The following ABI2 variants were observed in gnomAD, a reference collection of about 807,000 sequenced individuals.
The protein encoded by ABI2 is abelson interactor 2.
A neutral mutation model predicts 59.2 loss-of-function variants in ABI2; 25 were observed. The observed-to-expected ratio is 0.42, with a 90% CI of 0.31 to 0.59. ABI2 has a LOEUF of 0.59. ABI2 is among the 20% of genes least tolerant of loss of function. The probability of loss-of-function intolerance (pLI) is 0.14; values close to 1 mark genes in which losing one functional copy is unlikely to be tolerated. For synonymous variants in ABI2, 213 were observed against 235.5 expected, an observed-to-expected ratio of 0.90 and a Z score of 0.87; for missense variants, 545 against 681.8, an observed-to-expected ratio of 0.80 and a Z score of 2.23.
At chr2:203,355,359 A>G (rs991726869) in intron 1 of ABI2, 8 of 203,130 alleles carry the variant, frequency 3.9e-5, no homozygotes, top group Non-Finnish European at 6.4e-5. Flanking sequence ...AATAAAAAAA[A>G]AAATTAGCCA....
intron 1 of ABI2, among the ~76,000 whole-genome samples, chr2:203,342,744 C>T (rs2080798543): frequency 6.6e-6 from 1 of 151,970 alleles, no homozygotes; most frequent in Admixed American, 6.6e-5. Flanking sequence ...GCCACCATGC[C>T]TGGCTAATCG....
intron 8 of ABI2, among the ~76,000 whole-genome samples, chr2:203,399,847 A>G (rs2097149762): frequency 6.6e-6 from 1 of 152,158 alleles, no homozygotes; most frequent in African/African-American, 2.4e-5. Flanking sequence ...TGTATTTCAA[A>G]TAGCAGAAAT....
rs374374902 is a variant in ABI2, at chr2:203,391,146, G to A, written c.578+3G>A. On this transcript the variant is annotated splice_donor_region_variant and intron_variant, in intron 5 of 11. Transcript: ENST00000261018. ...ATGTCAGGGAAAGGGACACTTGGGT[G>A]AGTATATAAGTAGTAATTGAAAACC... 30 of 1,598,982 alleles carry A rather than the reference G, an allele frequency of 1.9e-5. No homozygotes were observed. The highest frequency in any genetic ancestry group is 2.4e-5 in the Non-Finnish European group (28 of 1,170,576).
At chr2:203,337,678 A>C (rs1020241991) in intron 1 of ABI2, among the ~76,000 whole-genome samples, 8 of 152,214 alleles carry the variant, frequency 5.3e-5, no homozygotes, top group African/African-American at 1.4e-4. Flanking sequence ...TGAATAGCCA[A>C]AGCAGTTTTG....
At chr2:203,395,922 A>G in intron 7 of ABI2, 142 bp downstream of exon 7, 2 of 1,026,146 alleles carry the variant, frequency 1.9e-6, no homozygotes, top group South Asian at 2.1e-5. Context: ...TATATTTGTT[A>G]TTTGTAAGCA....
chr2:203,373,314 C>G (rs1207255682), intron 2 of ABI2, among the ~76,000 whole-genome samples: 7 of 152,230 alleles, frequency 4.6e-5, no homozygotes, highest in Admixed American at 4.6e-4. Flanking sequence ...AGTACGAAAA[C>G]CAGTCAGGCG....
At chr2:203,373,502 A>G (rs1210165097) in intron 2 of ABI2, among the ~76,000 whole-genome samples, 2 of 140,418 alleles carry the variant, frequency 1.4e-5, no homozygotes, top group Admixed American at 6.8e-5. Flanking sequence ...GGAGAGGGAG[A>G]GGGAGCGGGA....
intron 2 of ABI2, chr2:203,374,740 C>A: frequency 2.4e-6 from 1 of 419,150 alleles, no homozygotes; most frequent in South Asian, 1.7e-5. Flanking sequence ...GAAACATTAG[C>A]TTACTAATAA....
At chr2:203,399,670 A>C (rs1316286375) in intron 8 of ABI2, among the ~76,000 whole-genome samples, 1 of 152,014 alleles carries the variant, frequency 6.6e-6, no homozygotes, top group African/African-American at 2.4e-5. Flanking sequence ...ACCCACCACC[A>C]TGCCCAGCTA....
intron 1 of ABI2, chr2:203,355,263 T>C: frequency 3.1e-6 from 1 of 321,378 alleles, no homozygotes; most frequent in Non-Finnish European, 6.9e-6. Flanking sequence ...TCCTAGCACT[T>C]TGGGAGGTCA....
chr2:203,409,762 T>C (rs764962993), intron 9 of ABI2, among the ~76,000 whole-genome samples: 2 of 152,216 alleles, frequency 1.3e-5, no homozygotes, highest in Non-Finnish European at 2.9e-5. Context: ...GCAGCCACTA[T>C]TGGAAGTAGG....
intron 9 of ABI2, among the ~76,000 whole-genome samples, chr2:203,405,090 A>G (rs954686772): frequency 3.3e-5 from 5 of 152,204 alleles, no homozygotes; most frequent in African/African-American, 2.4e-5. Flanking sequence ...TTTCTCACTC[A>G]TGGAAGTAAG....
intron 9 of ABI2, among the ~76,000 whole-genome samples, chr2:203,403,595 C>T (rs975359213): frequency 6.6e-6 from 1 of 151,436 alleles, no homozygotes; most frequent in Non-Finnish European, 1.5e-5. Flanking sequence ...TTTATATTAT[C>T]TCATTTGATT....
At chr2:203,352,134 G>T (rs770646882) in intron 1 of ABI2, among the ~76,000 whole-genome samples, 7 of 152,128 alleles carry the variant, frequency 4.6e-5, no homozygotes, top group Non-Finnish European at 1.0e-4. Context: ...TGTGGTACTG[G>T]CATACAGATA....
Position 203,334,230 on chromosome 2 carries a change from C to T in ABI2, c.117+5599C>T, listed in dbSNP as rs563509944. 1.5e-4 allele frequency among the ~76,000 whole-genome samples: 23 copies of T among 152,188 alleles called. No homozygotes were observed. In the East Asian group the frequency reaches 3.5e-3, roughly 23 times the overall value. On this transcript the variant is annotated intron_variant, in intron 1 of 11. Coordinates refer to ENST00000261018, the MANE Select transcript of ABI2 (RefSeq NM_001375670.1). ...TGCTGGGATTACAGGTGTGAGCCAT[C>T]GTGCCCAGCCTCATTTACTTTTTCT...
chr2:203,363,977 T>C (rs2093945860), intron 1 of ABI2, among the ~76,000 whole-genome samples: 1 of 152,092 alleles, frequency 6.6e-6, no homozygotes, highest in African/African-American at 2.4e-5. Flanking sequence ...TTGGTCAGGC[T>C]GGTCTCAAAT....
At chr2:203,404,543 C>T (rs921928875) in intron 9 of ABI2, among the ~76,000 whole-genome samples, 3 of 152,146 alleles carry the variant, frequency 2.0e-5, no homozygotes, top group Non-Finnish European at 4.4e-5. Context: ...GTACCTGCCA[C>T]CACGCCTGGC....
At chr2:203,349,427 G>A (rs576122997) in intron 1 of ABI2, among the ~76,000 whole-genome samples, 1 of 150,928 alleles carries the variant, frequency 6.6e-6, no homozygotes, top group East Asian at 2.0e-4. Flanking sequence ...TTTTTGAGGC[G>A]GAGTTTTGCT....
intron 1 of ABI2, among the ~76,000 whole-genome samples, chr2:203,352,977 C>T (rs904100649): frequency 3.3e-5 from 5 of 152,156 alleles, no homozygotes; most frequent in Admixed American, 2.0e-4. Flanking sequence ...ACAGGTTTGT[C>T]GTGTAGGAGC....
Sources: gnomAD v4.1 joint callset for allele counts (sites outside exome capture counted in the v4.1 genomes callset) on GRCh38, gnomAD v4.1.1 for gene constraint, MANE v1.5 for transcripts, NCBI Gene and HGNC (gene_info 2026-07-23, HGNC 2026-07-21) for gene names.